Variants in VIL1 observed in about 807,000 individuals in gnomAD.
The protein encoded by VIL1 is villin 1, also known as villin-1.
A neutral mutation model predicts 104.0 loss-of-function variants in VIL1; 86 were observed. The observed-to-expected ratio is 0.83, with a 90% CI of 0.69 to 0.99. The LOEUF (loss-of-function observed/expected upper bound fraction) is 0.99, where lower values mean the gene tolerates loss of function less well. Among genes scored for constraint, VIL1 ranks in the 50% least tolerant of loss-of-function variants. VIL1 has a pLI of 0.00. For synonymous variants in VIL1, 394 were observed against 412.6 expected (o/e 0.95, Z 0.55); for missense variants, 944 against 1,054.1 (o/e 0.90, Z 1.45).
At chr2:218,432,695 C>G (rs1689120524) in intron 12 of VIL1, 98 bp from the exon 13 acceptor site, 2 of 1,492,494 alleles carry the variant, frequency 1.3e-6, no homozygotes, top group Non-Finnish European at 1.8e-6. Context: ...GGTTTAGGAC[C>G]AGTTCAGACT....
At chr2:218,441,983 A>C (rs1357250993) in intron 19 of VIL1, among the ~76,000 whole-genome samples, 1 of 150,764 alleles carries the variant, frequency 6.6e-6, no homozygotes, top group Non-Finnish European at 1.5e-5. Flanking sequence ...GTGTAACTCC[A>C]TCTCAAAATG....
At position 218,430,806 on chromosome 2, in the gene VIL1, C is replaced by G; in HGVS notation, c.1030C>G (p.Gln344Glu). 2 of 1,613,838 alleles carry G rather than the reference C, an allele frequency of 1.2e-6. No homozygotes were observed. The highest frequency in any genetic ancestry group is 1.7e-6 in the Non-Finnish European group (2 of 1,179,868). ...TGGGGCTGAGTCGGCCGTCTTTCAGCAGCTCTTCCAGAAGTGGACAGCGTC... is the reference window on the plus strand; with the variant it reads ...TGGGGCTGAGTCGGCCGTCTTTCAGGAGCTCTTCCAGAAGTGGACAGCGTC... ...NDGAESAVFQ[Q>E]LFQKWTASNR... Residue 344 changes from glutamine (Q) to glutamate (E), a missense_variant, in exon 10 of 20, where the codon CAG becomes GAG. By Grantham distance (29) the Gln-to-Glu change is conservative. Coordinates refer to ENST00000248444, the MANE Select transcript of VIL1 (RefSeq NM_007127.3).
intron 17 of VIL1, among the ~76,000 whole-genome samples, chr2:218,438,441 C>G (rs780300591): frequency 1.3e-5 from 2 of 152,218 alleles, no homozygotes; most frequent in Non-Finnish European, 2.9e-5. Flanking sequence ...ATATAGCCTG[C>G]GCTCCACTTT....
rs1689487170 is a variant in VIL1 at position 218,451,777 on chromosome 2, G to A, written c.*2441G>A. 6.6e-6 allele frequency: 1 copy of A among 152,592 alleles called. No homozygotes were observed. Among genetic ancestry groups the A allele is most frequent in the Non-Finnish European group, 1.5e-5 (1 of 68,024 alleles). 9.5% of individuals were successfully genotyped at this position (152,592 alleles called of 1,614,324 possible). On this transcript the variant is annotated 3_prime_UTR_variant, in exon 20 of 20. Coordinates refer to ENST00000248444, the MANE Select transcript of VIL1 (RefSeq NM_007127.3). Reference sequence around the variant, plus strand: ...AATTAACTGATCTGTAAGAACCACTGCATATGTCTTAAAATGTAAACATAT... The same window carrying A: ...AATTAACTGATCTGTAAGAACCACTACATATGTCTTAAAATGTAAACATAT...
At chr2:218,441,036 A>C (rs531460493) in intron 19 of VIL1, among the ~76,000 whole-genome samples, 174 bp downstream of exon 19, 1 of 152,298 alleles carries the variant, frequency 6.6e-6, no homozygotes, top group South Asian at 2.1e-4. Context: ...GCCTGGTTAC[A>C]CTATTATTTA....
rs1689123566 is a variant in VIL1, at chr2:218,432,849, GGACCAGAA to G, written c.1400_1407del (p.Asp467ValfsTer4). 6.2e-7 allele frequency: 1 copy of G among 1,614,076 alleles called. No homozygotes were observed. The highest frequency in any genetic ancestry group is 8.5e-7 in the Non-Finnish European group (1 of 1,180,042). On this transcript the variant is annotated frameshift_variant, in exon 13 of 20. Coordinates refer to ENST00000248444, the MANE Select transcript of VIL1 (RefSeq NM_007127.3). LOFTEE classifies it high-confidence loss of function. Reference sequence around the variant, plus strand: ...CATCAGCTTATCAAGCCGTCATCCTGGACCAGAAGTACAATGGTGAACCAGTCCAGATC... The same window carrying G: ...CATCAGCTTATCAAGCCGTCATCCTGGTACAATGGTGAACCAGTCCAGATC...
chr2:218,424,279 C>T lies in VIL1; in HGVS notation c.78C>T (p.Ala26=). 6.2e-7 allele frequency: 1 copy of T among 1,614,010 alleles called. No homozygotes were observed. Among genetic ancestry groups the T allele is most frequent in the Non-Finnish European group, 8.5e-7 (1 of 1,179,986 alleles). Residue 26 remains alanine, a splice_region_variant and synonymous_variant, in exon 3 of 20, where the codon GCC becomes GCT. Coordinates refer to ENST00000248444, the MANE Select transcript of VIL1 (RefSeq NM_007127.3). The part of the protein sequence containing the change: ...TPGLQIWRIE[A]MQMVPVPSST... The stretch of plus-strand genomic sequence containing the variant: ...TCTGACCCTCTTTCTCTCCTTAGGC[C>T]ATGCAGATGGTGCCTGTTCCTTCCA...
chr2:218,443,456 C>T (rs1018693233), intron 19 of VIL1, among the ~76,000 whole-genome samples: 1 of 151,882 alleles, frequency 6.6e-6, no homozygotes, highest in Non-Finnish European at 1.5e-5. Context: ...CCTTGCCCTC[C>T]CAAAGTGCTA....
chr2:218,423,008 A>C (rs1279223643), intron 1 of VIL1, among the ~76,000 whole-genome samples: 1 of 152,180 alleles, frequency 6.6e-6, no homozygotes, highest in Non-Finnish European at 1.5e-5. Context: ...GGCCTAATTA[A>C]ATCAGAATCA....
At chr2:218,439,861 A>G (rs556345700) in intron 18 of VIL1, among the ~76,000 whole-genome samples, 1 of 152,050 alleles carries the variant, frequency 6.6e-6, no homozygotes, top group South Asian at 2.1e-4. Flanking sequence ...AAGAAAAAAA[A>G]TGTATTTAGC....
In VIL1 at chr2:218,429,470, T is replaced by A; in HGVS notation, c.753T>A (p.Ala251=). The change falls in exon 7 of 20, where the codon GCT becomes GCA. Residue 251 remains alanine, a synonymous_variant. Coordinates refer to ENST00000248444, the MANE Select transcript of VIL1 (RefSeq NM_007127.3). ...PDTVVEPALK[A]ALKLYHVSDS... ...CGGTGGTGGAGCCGGCACTCAAGGCTGCACTCAAACTGTACCAGTGAGCGC... is the reference window on the plus strand; with the variant it reads ...CGGTGGTGGAGCCGGCACTCAAGGCAGCACTCAAACTGTACCAGTGAGCGC... 3.1e-6 allele frequency: 5 copies of A among 1,613,970 alleles called. No homozygotes were observed. The highest frequency in any genetic ancestry group is 4.2e-6 in the Non-Finnish European group (5 of 1,179,982).
At chr2:218,447,123 T>C (rs995860716) in intron 19 of VIL1, among the ~76,000 whole-genome samples, 2 of 152,186 alleles carry the variant, frequency 1.3e-5, no homozygotes, top group African/African-American at 4.8e-5. Context: ...TCCGCCTCAG[T>C]TCCTTTCTAA....
chr2:218,436,674 C>T, intron 16 of VIL1, 48 bp downstream of exon 16: 1 of 1,591,112 alleles, frequency 6.3e-7, no homozygotes, highest in Non-Finnish European at 8.6e-7. Context: ...CCTCAATCCC[C>T]AGGGCCAAGA....
At chr2:218,422,186 C>T (rs977456130) in intron 1 of VIL1, among the ~76,000 whole-genome samples, 4 of 152,012 alleles carry the variant, frequency 2.6e-5, no homozygotes, top group African/African-American at 7.3e-5. Context: ...ACCCGGGAGG[C>T]GGAGGTTGAA....
chr2:218,435,074 C>A (rs1427898036), intron 14 of VIL1, among the ~76,000 whole-genome samples: 1 of 145,416 alleles, frequency 6.9e-6, no homozygotes, highest in African/African-American at 2.5e-5. Flanking sequence ...CTCTTGGAGT[C>A]CCTCTCGAAC....
At chr2:218,448,624 C>T (rs1689408441) in intron 19 of VIL1, among the ~76,000 whole-genome samples, 1 of 151,896 alleles carries the variant, frequency 6.6e-6, no homozygotes, top group South Asian at 2.1e-4. Flanking sequence ...AAGAGGAGTC[C>T]TAATTCTTAT....
chr2:218,435,541 G>GT, intron 15 of VIL1, 107 bp downstream of exon 15: 1 of 1,438,526 alleles, frequency 7.0e-7, no homozygotes, highest in South Asian at 1.4e-5. Flanking sequence ...AGGACTCTGT[G>GT]TGTCAGGCAC....
rs1371462615 is a variant in VIL1 at position 218,452,935 on chromosome 2, C to T, written c.*3599C>T. The stretch of plus-strand genomic sequence containing the variant: ...AAAATCAAACCAAACCAAAGAGGCT[C>T]CTGGTAGAAATGAAACAAAACTTTA... On this transcript the variant is annotated 3_prime_UTR_variant, in exon 20 of 20. Coordinates refer to ENST00000248444, the MANE Select transcript of VIL1 (RefSeq NM_007127.3). 1 of 152,132 alleles carries T rather than the reference C, an allele frequency of 6.6e-6. No individual in the cohort carries two copies. The highest frequency in any genetic ancestry group is 1.5e-5 in the Non-Finnish European group (1 of 68,028). The allele number at this position is 152,132 out of a possible 1,614,324, so 9.4% of individuals were successfully genotyped here.
intron 19 of VIL1, among the ~76,000 whole-genome samples, chr2:218,444,276 T>G (rs572617661): frequency 5.9e-5 from 9 of 151,798 alleles, no homozygotes; most frequent in African/African-American, 2.2e-4. Context: ...GGACTGAAGC[T>G]GATTTTTTTT....
Sources: gnomAD v4.1 joint callset for allele counts (sites outside exome capture counted in the v4.1 genomes callset) on GRCh38, gnomAD v4.1.1 for gene constraint, MANE v1.5 for transcripts, NCBI Gene and HGNC (gene_info 2026-07-23, HGNC 2026-07-21) for gene names.